PCDH10: variants seen among roughly 807,000 people sequenced by gnomAD.
PCDH10 encodes the protein protocadherin 10, also known as protocadherin-10.
Under a neutral mutation model 74.4 loss-of-function variants are expected in PCDH10, and 15 were observed. That is an observed-to-expected ratio of 0.20 (90% CI 0.13 to 0.31). The LOEUF is 0.31. PCDH10 is among the 10% of genes least tolerant of loss of function. The probability of loss-of-function intolerance (pLI) is 1.00; values close to 1 mark genes in which losing one functional copy is unlikely to be tolerated. For missense variants in PCDH10, 1,260 were observed against 1,390.2 expected, an observed-to-expected ratio of 0.91 and a Z score of 1.49; for synonymous variants, 619 against 589.8, an observed-to-expected ratio of 1.05 and a Z score of -0.72.
At chr4:133,198,677 C>T (rs1727841958), downstream of PCDH10, among the ~76,000 whole-genome samples, 2 of 152,094 alleles carry the variant, frequency 1.3e-5, no homozygotes, top group South Asian at 4.1e-4. Context: ...ATTGGTGACA[C>T]CACTAACATC....
chr4:133,152,663 C>G lies in PCDH10; in HGVS notation c.2523C>G (p.Ser841Arg). The G allele has an allele frequency of 6.2e-7, 1 of 1,614,222 alleles. No individual in the cohort carries two copies. Among genetic ancestry groups the G allele is most frequent in the Non-Finnish European group, 8.5e-7 (1 of 1,180,044 alleles). ...KTDLMFLKPC[S>R]PSRSTDTEHN... The stretch of plus-strand genomic sequence containing the variant: ...ACCTGATGTTTCTTAAGCCCTGCAG[C>G]CCTTCGCGGAGTACGGACACTGAGC... The change falls in exon 1 of 5, where the codon AGC becomes AGG. Residue 841 changes from serine to arginine, a missense_variant. Coordinates refer to ENST00000264360, the MANE Select transcript of PCDH10 (RefSeq NM_032961.3).
chr4:133,208,521 G>GA (rs1403233165), exon 3 of PCDH10: 2 of 151,816 alleles, frequency 1.3e-5, no homozygotes, highest in Admixed American at 1.3e-4. Flanking sequence ...CTCTTTCCCT[G>GA]ACCTTGCACA....
Position 133,150,707 on chromosome 4 carries a change from G to A in PCDH10, c.567G>A (p.Leu189=), listed in dbSNP as rs1726648683. ...CTGAGCTGGTGCTGGAGAAGCCACT[G>A]GACCGAGAGCAGCAAGCGGTGCACC... The part of the protein sequence containing the change: ...RFAELVLEKP[L]DREQQAVHRY... Residue 189 remains leucine, a synonymous_variant, in exon 1 of 5, where the codon CTG becomes CTA. Transcript: ENST00000264360. The A allele has an allele frequency of 6.2e-7, 1 of 1,613,128 alleles. No individual in the cohort carries two copies. Among genetic ancestry groups the A allele is most frequent in the Non-Finnish European group, 8.5e-7 (1 of 1,179,876 alleles).
At chr4:133,195,003 A>G (rs140541922), downstream of PCDH10, among the ~76,000 whole-genome samples, 2 of 152,160 alleles carry the variant, frequency 1.3e-5, no homozygotes, top group East Asian at 3.9e-4. Flanking sequence ...CCTTCAAGCA[A>G]TAAAAGAAAG....
chr4:133,183,660 G>C (rs1474807595), intron 4 of PCDH10, among the ~76,000 whole-genome samples: 1 of 152,058 alleles, frequency 6.6e-6, no homozygotes, highest in African/African-American at 2.4e-5. Context: ...TGATTTGGAA[G>C]GTATCTCCCA....
At chr4:133,154,430 G>C in intron 2 of PCDH10, 65 bp downstream of exon 2, 1 of 861,200 alleles carries the variant, frequency 1.2e-6, no homozygotes, top group South Asian at 1.7e-5. Context: ...TAGGAAGTAG[G>C]TATATTATTC....
At chr4:133,166,811 A>G (rs1727092252) in intron 4 of PCDH10, among the ~76,000 whole-genome samples, 1 of 151,548 alleles carries the variant, frequency 6.6e-6, no homozygotes, top group Admixed American at 6.6e-5. Context: ...ATCAATTCCT[A>G]AAAATTGAAG....
At chr4:133,202,743 G>A (rs1392530853) in intron 2 of PCDH10, among the ~76,000 whole-genome samples, 1 of 152,108 alleles carries the variant, frequency 6.6e-6, no homozygotes, top group Non-Finnish European at 1.5e-5. Flanking sequence ...TTATCCTGTT[G>A]TTTATCAGGG....
chr4:133,186,773 A>C (rs1727548959), intron 4 of PCDH10, among the ~76,000 whole-genome samples: 1 of 152,130 alleles, frequency 6.6e-6, no homozygotes, highest in African/African-American at 2.4e-5. Context: ...GCTGGAGTGC[A>C]GTGGCAAGAT....
intron 2 of PCDH10, among the ~76,000 whole-genome samples, chr4:133,204,582 G>A (rs986969926): frequency 2.6e-5 from 4 of 152,166 alleles, no homozygotes; most frequent in South Asian, 2.1e-4. Context: ...CCTAGACAGG[G>A]AAGAGAGGAA....
intron 3 of PCDH10, among the ~76,000 whole-genome samples, chr4:133,157,830 T>C (rs1309834689): frequency 2.0e-5 from 3 of 152,178 alleles, no homozygotes; most frequent in East Asian, 3.8e-4. Flanking sequence ...ACCCCCTCCT[T>C]CTTGCTTTTC....
intron 1 of PCDH10, 135 bp downstream of exon 1, chr4:133,152,906 G>A: frequency 1.4e-6 from 2 of 1,464,472 alleles, no homozygotes; most frequent in Non-Finnish European, 1.8e-6. Flanking sequence ...TGGGAGCAGA[G>A]ATGGGCGGTC....
chr4:133,198,076 A>T (rs1278961401), downstream of PCDH10, among the ~76,000 whole-genome samples: 1 of 151,876 alleles, frequency 6.6e-6, no homozygotes, highest in East Asian at 1.9e-4. Flanking sequence ...TATAGGTAAA[A>T]CATCTGCATT....
At chr4:133,174,372 T>G (rs1311808900) in intron 4 of PCDH10, among the ~76,000 whole-genome samples, 1 of 151,778 alleles carries the variant, frequency 6.6e-6, no homozygotes, top group African/African-American at 2.4e-5. Flanking sequence ...AGTCATACAC[T>G]TCAGAAAAAT....
intron 3 of PCDH10, among the ~76,000 whole-genome samples, chr4:133,159,936 T>C (rs1726933266): frequency 6.6e-6 from 1 of 151,946 alleles, no homozygotes; most frequent in South Asian, 2.1e-4. Flanking sequence ...TGCCTCTGCT[T>C]ACTTGGTAAT....
chr4:133,175,207 T>G (rs1727271088), intron 4 of PCDH10, among the ~76,000 whole-genome samples: 1 of 152,092 alleles, frequency 6.6e-6, no homozygotes, highest in Admixed American at 6.6e-5. Flanking sequence ...TCATTTAACT[T>G]ACTTTCCTCT....
chr4:133,170,803 C>T (rs1176248638), intron 4 of PCDH10, among the ~76,000 whole-genome samples: 4 of 136,118 alleles, frequency 2.9e-5, no homozygotes, highest in African/African-American at 1.4e-4. Context: ...AGCGATTTTC[C>T]TGCATCAGCC....
At chr4:133,181,267 T>C (rs969347652) in intron 4 of PCDH10, among the ~76,000 whole-genome samples, 19 of 152,040 alleles carry the variant, frequency 1.2e-4, no homozygotes, top group Non-Finnish European at 2.6e-4. Flanking sequence ...TAACTAAAAA[T>C]TTATATTCTA....
rs139237744 is a variant in PCDH10 at position 133,166,726 on chromosome 4, A to G, written c.3103+3444A>G. 5.4e-4 allele frequency among the ~76,000 whole-genome samples: 82 copies of G among 151,638 alleles called. No individual in the cohort carries two copies. The East Asian group carries it at 0.014, about 26-fold the overall frequency. ...ATGAACATGAAATTCAGTTCCTATC[A>G]GCTTAAACTATACAGTAATAAAGGC... is the stretch of plus-strand genomic sequence containing the variant. On this transcript the variant is annotated intron_variant, in intron 4 of 4. Transcript: ENST00000264360.
Sources: gnomAD v4.1 joint callset for allele counts (sites outside exome capture counted in the v4.1 genomes callset) on GRCh38, gnomAD v4.1.1 for gene constraint, MANE v1.5 for transcripts, NCBI Gene and HGNC (gene_info 2026-07-23, HGNC 2026-07-21) for gene names.